The following TMTC1 variants were observed in gnomAD, a reference collection of about 807,000 sequenced individuals.
TMTC1 encodes the protein transmembrane O-mannosyltransferase targeting cadherins 1, also known as protein O-mannosyl-transferase TMTC1.
Under a neutral mutation model 104.8 loss-of-function variants are expected in TMTC1, and 73 were observed. That is an observed-to-expected ratio of 0.70 (90% CI 0.58 to 0.85). The LOEUF is 0.85. TMTC1 is among the 40% of genes least tolerant of loss of function. The pLI is 0.00. For missense variants in TMTC1, 1,035 were observed against 1,096.1 expected (o/e 0.94, Z 0.79); for synonymous variants, 434 against 428.7 (o/e 1.01, Z -0.15).
intron 1 of TMTC1, among the ~76,000 whole-genome samples, chr12:29,769,645 C>T (rs557331349): frequency 6.6e-6 from 1 of 152,252 alleles, no homozygotes. Flanking sequence ...AAGAGTCCAC[C>T]CCTCTGAGAC....
intron 6 of TMTC1, among the ~76,000 whole-genome samples, chr12:29,611,499 C>A (rs965088991): frequency 3.9e-5 from 6 of 152,270 alleles, no homozygotes; most frequent in African/African-American, 1.4e-4. Flanking sequence ...TTTCTATTCA[C>A]TTTAAGCAAG....
At chr12:29,558,195 G>C (rs563270246) in intron 9 of TMTC1, among the ~76,000 whole-genome samples, 53 of 152,138 alleles carry the variant, frequency 3.5e-4, no homozygotes, top group Non-Finnish European at 6.9e-4. Context: ...AGTCTGGTAG[G>C]TTTGTTCCAT....
Position 29,781,121 on chromosome 12 carries a change from T to TGTCGCACTAGAAG in TMTC1, c.302+2328_302+2329insCTTCTAGTGCGAC, listed in dbSNP as rs1208357416. Among the ~76,000 whole-genome samples, 20 of 140,328 alleles carry TGTCGCACTAGAAG rather than the reference T, an allele frequency of 1.4e-4. No individual in the cohort carries two copies. The East Asian group carries it at 4.2e-3, about 30-fold the overall frequency. 92.1% of individuals were successfully genotyped at this position (140,328 alleles called of 152,430 possible). On this transcript the variant is annotated intron_variant, in intron 1 of 17. Coordinates refer to ENST00000539277, the MANE Select transcript of TMTC1 (RefSeq NM_001193451.2). ...TCACTGATATCCTCCAGCTTCATGCTATACCTCAGGTGAATATAAAGAAAA... is the reference window on the plus strand; with the variant it reads ...TCACTGATATCCTCCAGCTTCATGCTGTCGCACTAGAAGATACCTCAGGTGAATATAAAGAAAA...
intron 6 of TMTC1, among the ~76,000 whole-genome samples, chr12:29,617,178 T>C (rs1308928891): frequency 1.3e-5 from 2 of 151,880 alleles, no homozygotes; most frequent in East Asian, 3.9e-4. Context: ...GACGGCTCAC[T>C]CCAGTTAGTC....
chr12:29,526,073 G>A (rs937939281), intron 11 of TMTC1, among the ~76,000 whole-genome samples: 2 of 152,146 alleles, frequency 1.3e-5, no homozygotes, highest in African/African-American at 4.8e-5. Context: ...GGCCCATCAG[G>A]TAGCAGAAAT....
chr12:29,755,924 A>G, intron 3 of TMTC1, 39 bp from the exon 4 acceptor site: 1 of 1,598,992 alleles, frequency 6.3e-7, no homozygotes, highest in Non-Finnish European at 8.5e-7. Context: ...TCTAAGAAAG[A>G]ATATGGTCTG....
rs183392323 is a variant in TMTC1, at chr12:29,692,378, G to A, written c.939-59042C>T. Among the ~76,000 whole-genome samples, 457 of 142,034 alleles carry A rather than the reference G, an allele frequency of 3.2e-3. 53 individuals are homozygous for A. The highest frequency in any genetic ancestry group is 5.6e-3 in the Non-Finnish European group (369 of 66,100). The allele number at this position is 142,034 out of a possible 152,430, so 93.2% of individuals were successfully genotyped here. A position where few individuals can be genotyped will look rare whatever the true frequency, so the allele number is the denominator to read the frequency against. On this transcript the variant is annotated intron_variant, in intron 5 of 17. Transcript: ENST00000539277. Reference sequence around the variant, plus strand: ...ACACAATTGTGCTCTGAGGGCCAACGAAATGAATTAAGTTCACCTGAAAGC... The same window carrying A: ...ACACAATTGTGCTCTGAGGGCCAACAAAATGAATTAAGTTCACCTGAAAGC...
intron 5 of TMTC1, among the ~76,000 whole-genome samples, chr12:29,741,035 A>G (rs927006011): frequency 2.0e-5 from 3 of 152,222 alleles, no homozygotes; most frequent in Admixed American, 6.5e-5. Context: ...TTGTATATAG[A>G]GTAAGTTTTT....
intron 6 of TMTC1, among the ~76,000 whole-genome samples, chr12:29,613,619 AC>A (rs1946903368): frequency 6.6e-6 from 1 of 152,206 alleles, no homozygotes; most frequent in Admixed American, 6.5e-5. Flanking sequence ...TCAATTAAGA[AC>A]CAAGATGGAT....
At chr12:29,507,190 T>C (rs1943716751) in intron 17 of TMTC1, among the ~76,000 whole-genome samples, 1 of 152,178 alleles carries the variant, frequency 6.6e-6, no homozygotes. Flanking sequence ...AGTTGCAGAA[T>C]GTGAAAGAGG....
At chr12:29,722,530 C>CA (rs1232753513) in intron 5 of TMTC1, among the ~76,000 whole-genome samples, 2 of 152,022 alleles carry the variant, frequency 1.3e-5, no homozygotes, top group Non-Finnish European at 2.9e-5. Context: ...AAAATATAAG[C>CA]AAAAATTATA....
At chr12:29,781,381 C>G (rs2120683400) in intron 1 of TMTC1, among the ~76,000 whole-genome samples, 2 of 152,270 alleles carry the variant, frequency 1.3e-5, no homozygotes, top group African/African-American at 4.8e-5. Flanking sequence ...CACAAGAGTC[C>G]CTCAGCTCTC....
intron 5 of TMTC1, among the ~76,000 whole-genome samples, chr12:29,731,294 T>C (rs544498092): frequency 1.3e-5 from 2 of 152,300 alleles, no homozygotes; most frequent in East Asian, 3.9e-4. Context: ...GGAGCTGGGA[T>C]TACAGATGTC....
intron 10 of TMTC1, among the ~76,000 whole-genome samples, chr12:29,555,511 T>TC (rs1368526398): frequency 1.3e-5 from 2 of 151,936 alleles, no homozygotes. Flanking sequence ...TGTGTGATGT[T>TC]CCCCTCCCTG....
chr12:29,517,357 G>A, intron 14 of TMTC1, 70 bp downstream of exon 14: 1 of 1,557,838 alleles, frequency 6.4e-7, no homozygotes, highest in Middle Eastern at 2.0e-4. Flanking sequence ...TTTGAGGCGT[G>A]AGGACTACAG....
chr12:29,607,154 C>T (rs1260955485), intron 6 of TMTC1, among the ~76,000 whole-genome samples: 2 of 152,222 alleles, frequency 1.3e-5, no homozygotes, highest in East Asian at 3.9e-4. Flanking sequence ...TTTCTTCAGA[C>T]ACCAGCACAG....
At chr12:29,598,617 T>C (rs1946474651) in intron 7 of TMTC1, among the ~76,000 whole-genome samples, 1 of 152,250 alleles carries the variant, frequency 6.6e-6, no homozygotes, top group African/African-American at 2.4e-5. Flanking sequence ...TTCCATTTCT[T>C]TCATTGATGT....
intron 10 of TMTC1, among the ~76,000 whole-genome samples, chr12:29,552,052 C>T (rs921321983): frequency 1.2e-4 from 19 of 152,138 alleles, no homozygotes; most frequent in African/African-American, 4.6e-4. Flanking sequence ...AAATGAGTTG[C>T]TATAAGATTG....
chr12:29,711,951 G>A (rs1941939373), intron 5 of TMTC1, among the ~76,000 whole-genome samples: 1 of 136,420 alleles, frequency 7.3e-6, no homozygotes, highest in African/African-American at 2.8e-5. Flanking sequence ...AGCTTGCAGT[G>A]AGCCCAGATC....
Sources: gnomAD v4.1 joint callset for allele counts (sites outside exome capture counted in the v4.1 genomes callset) on GRCh38, gnomAD v4.1.1 for gene constraint, MANE v1.5 for transcripts, NCBI Gene and HGNC (gene_info 2026-07-23, HGNC 2026-07-21) for gene names.